DAGLA: variants seen among roughly 807,000 people sequenced by gnomAD.
DAGLA encodes diacylglycerol lipase alpha.
In DAGLA, 22 loss-of-function variants were observed where a neutral mutation model predicts 102.6. That is an observed-to-expected ratio of 0.21 (90% confidence interval 0.15 to 0.31). The LOEUF (loss-of-function observed/expected upper bound fraction) is 0.31, where lower values mean the gene tolerates loss of function less well. Ranked by LOEUF, DAGLA falls within the 10% of genes least tolerant of loss-of-function variation. The pLI, the probability that DAGLA is intolerant of heterozygous loss-of-function variation, is 1.00. For synonymous variants in DAGLA, 578 were observed against 628.9 expected (o/e 0.92, Z 1.21); for missense variants, 927 against 1,446.6 (o/e 0.64, Z 5.83).
At chr11:61,720,554 T>A (rs1167767583) in intron 2 of DAGLA, 125 bp from the exon 3 acceptor site, 1 of 865,210 alleles carries the variant, frequency 1.2e-6, no homozygotes, top group Admixed American at 2.1e-5. Context: ...AATGGTCTTA[T>A]GGAGGAGGTG....
At chr11:61,683,817 A>T (rs1487774499) in intron 1 of DAGLA, among the ~76,000 whole-genome samples, 1 of 152,126 alleles carries the variant, frequency 6.6e-6, no homozygotes, top group African/African-American at 2.4e-5. Context: ...TTGTGCACAG[A>T]TGCTGATTTC....
chr11:61,710,093 A>G (rs2065181312), intron 1 of DAGLA, among the ~76,000 whole-genome samples: 1 of 152,070 alleles, frequency 6.6e-6, no homozygotes, highest in African/African-American at 2.4e-5. Context: ...TAACAGCTTC[A>G]TTAGGGGGCC....
chr11:61,702,773 A>G (rs574121452), intron 1 of DAGLA, among the ~76,000 whole-genome samples: 38 of 152,320 alleles, frequency 2.5e-4, no homozygotes, highest in Non-Finnish European at 5.3e-4. Context: ...ACACGGCCCC[A>G]GATGCATAGG....
At chr11:61,727,588 C>T (rs894310045) in intron 6 of DAGLA, among the ~76,000 whole-genome samples, 4 of 152,180 alleles carry the variant, frequency 2.6e-5, no homozygotes, top group Non-Finnish European at 4.4e-5. Context: ...TGGAGAGAAG[C>T]CATGGGGGAC....
intron 1 of DAGLA, among the ~76,000 whole-genome samples, chr11:61,716,269 A>AGGGCCATGCTGGGGGAAGGGGTCTAGGG: frequency 6.6e-6 from 1 of 152,140 alleles, no homozygotes; most frequent in East Asian, 1.9e-4. Context: ...CAGTGTGACC[A>AGGGCCATGCTGGGGGAAGGGGTCTAGGG]GGGCCATGCT....
chr11:61,733,254 G>C (rs2065391370), intron 9 of DAGLA, among the ~76,000 whole-genome samples: 1 of 152,202 alleles, frequency 6.6e-6, no homozygotes, highest in South Asian at 2.1e-4. Flanking sequence ...AGGCCACACT[G>C]TTACAGCCTC....
intron 19 of DAGLA, 44 bp from the exon 20 acceptor site, chr11:61,743,488 T>C: frequency 6.9e-7 from 1 of 1,458,580 alleles, no homozygotes; most frequent in Non-Finnish European, 9.1e-7. Context: ...CAGTCCCCTC[T>C]CCCTTCTGAG....
chr11:61,714,697 C>T (rs567159644), intron 1 of DAGLA, among the ~76,000 whole-genome samples: 1 of 152,186 alleles, frequency 6.6e-6, no homozygotes, highest in African/African-American at 2.4e-5. Context: ...ATGGATATCA[C>T]GGGAAGAGCT....
chr11:61,716,491 G>A (rs768634794), intron 1 of DAGLA, among the ~76,000 whole-genome samples: 4 of 151,794 alleles, frequency 2.6e-5, no homozygotes, highest in Non-Finnish European at 4.4e-5. Context: ...TTGGGGTGTC[G>A]AGAAAGAAGG....
At chr11:61,696,896 G>C (rs1322053051) in intron 1 of DAGLA, among the ~76,000 whole-genome samples, 1 of 152,072 alleles carries the variant, frequency 6.6e-6, no homozygotes, top group Non-Finnish European at 1.5e-5. Flanking sequence ...GCAGAGCTGC[G>C]TGGGGTGGGA....
chr11:61,740,980 G>A (rs76117420), intron 18 of DAGLA, among the ~76,000 whole-genome samples, 182 bp from the exon 19 acceptor site: 1,713 of 152,324 alleles, frequency 0.011, 36 homozygotes, highest in African/African-American at 0.038. Context: ...GGGGCGAGTC[G>A]TGACCAGATG....
At chr11:61,688,358 A>T (rs921776414) in intron 1 of DAGLA, among the ~76,000 whole-genome samples, 2 of 151,500 alleles carry the variant, frequency 1.3e-5, no homozygotes, top group African/African-American at 4.9e-5. Context: ...CGTACATGAG[A>T]TTCAAGAGCT....
intron 1 of DAGLA, among the ~76,000 whole-genome samples, chr11:61,687,343 T>G (rs1334095731): frequency 6.6e-6 from 1 of 152,166 alleles, no homozygotes; most frequent in Non-Finnish European, 1.5e-5. Flanking sequence ...GCACTCTTTT[T>G]TTTTTTTGAG....
At chr11:61,710,828 A>G (rs1244668425) in intron 1 of DAGLA, among the ~76,000 whole-genome samples, 1 of 152,198 alleles carries the variant, frequency 6.6e-6, no homozygotes, top group African/African-American at 2.4e-5. Flanking sequence ...CCTGTTTTCT[A>G]AGAGCTGAGC....
intron 1 of DAGLA, among the ~76,000 whole-genome samples, chr11:61,710,285 T>G (rs1591035200): frequency 1.6e-5 from 2 of 128,098 alleles, no homozygotes; most frequent in South Asian, 2.6e-4. Context: ...GGAGAGGGGG[T>G]GACTCTGGGG....
At position 61,720,703 on chromosome 11, in the gene DAGLA, C is replaced by T. The variant is rs770905349; in HGVS notation, c.120C>T (p.Leu40=). Residue 40 remains leucine, a synonymous_variant, in exon 3 of 20, where the codon CTC becomes CTT. Coordinates refer to ENST00000257215, the MANE Select transcript of DAGLA (RefSeq NM_006133.3). ...TTWFVILSVV[L]FGLVYNPHEA... ...GGTTTGTGATCCTGTCCGTGGTGCTCTTCGGCCTGGTCTATAACCCGCACG... is the reference window on the plus strand; with the variant it reads ...GGTTTGTGATCCTGTCCGTGGTGCTTTTCGGCCTGGTCTATAACCCGCACG... 40 of 1,613,888 alleles carry T rather than the reference C, an allele frequency of 2.5e-5. No individual in the cohort carries two copies. The East Asian group carries it at 6.2e-4, about 25-fold the overall frequency.
chr11:61,727,474 G>A (rs1011288877), intron 6 of DAGLA, among the ~76,000 whole-genome samples: 1 of 152,234 alleles, frequency 6.6e-6, no homozygotes, highest in Non-Finnish European at 1.5e-5. Flanking sequence ...AGAGGCTCTG[G>A]GCTGCAGCCT....
At chr11:61,726,994 C>A (rs1025469240) in intron 6 of DAGLA, among the ~76,000 whole-genome samples, 1 of 152,224 alleles carries the variant, frequency 6.6e-6, no homozygotes, top group Non-Finnish European at 1.5e-5. Flanking sequence ...CGGCCCCTGG[C>A]GGATGGAGGC....
chr11:61,722,520 A>G (rs988824681), intron 3 of DAGLA, among the ~76,000 whole-genome samples: 6 of 152,212 alleles, frequency 3.9e-5, no homozygotes. Context: ...CAGGAGGCAG[A>G]GGTTGCAGTG....
Sources: allele counts gnomAD v4.1 joint callset (sites outside exome capture counted in the v4.1 genomes callset), GRCh38; gene constraint gnomAD v4.1.1; transcripts MANE v1.5; gene names NCBI Gene and HGNC (gene_info 2026-07-23, HGNC 2026-07-21).